REEP5: variants seen among roughly 807,000 people sequenced by gnomAD.
REEP5 encodes the protein receptor accessory protein 5, also known as receptor expression-enhancing protein 5.
In REEP5, 24 loss-of-function variants were observed where a neutral mutation model predicts 22.4. That is an observed-to-expected ratio of 1.07 (90% CI 0.78 to 1.51). REEP5 has a LOEUF of 1.51. Among genes scored for constraint, REEP5 ranks in the 40% most tolerant of loss-of-function variants. The pLI, the probability that REEP5 is intolerant of heterozygous loss-of-function variation, is 0.00. For missense variants in REEP5, 252 were observed against 233.0 expected, an observed-to-expected ratio of 1.08 and a Z score of -0.53; for synonymous variants, 103 against 88.6, an observed-to-expected ratio of 1.16 and a Z score of -0.92.
chr5:112,916,360 T>G (rs919303659), intron 2 of REEP5, among the ~76,000 whole-genome samples: 4 of 152,232 alleles, frequency 2.6e-5, no homozygotes, highest in African/African-American at 9.6e-5. Flanking sequence ...GAAACAGAAC[T>G]AAAGGCAACG....
intron 2 of REEP5, among the ~76,000 whole-genome samples, chr5:112,903,653 C>T (rs1019296187): frequency 2.0e-5 from 3 of 152,162 alleles, no homozygotes; most frequent in African/African-American, 7.2e-5. Flanking sequence ...AGTCAGGCTG[C>T]TAAATCATGC....
chr5:112,892,820 A>G (rs1196640276), intron 3 of REEP5: 9 of 1,613,834 alleles, frequency 5.6e-6, no homozygotes, highest in African/African-American at 1.3e-5. Flanking sequence ...GACCACACCT[A>G]CAAAAGAAAT....
At chr5:112,917,258 T>C (rs554300818) in intron 2 of REEP5, among the ~76,000 whole-genome samples, 1 of 152,346 alleles carries the variant, frequency 6.6e-6, no homozygotes, top group South Asian at 2.1e-4. Context: ...CACTAAAATA[T>C]GCCTAAATGT....
intron 2 of REEP5, among the ~76,000 whole-genome samples, chr5:112,916,809 G>A (rs1340529139): frequency 6.6e-6 from 1 of 152,216 alleles, no homozygotes; most frequent in Non-Finnish European, 1.5e-5. Context: ...CCTTGATCAA[G>A]TTATTCAAAT....
intron 1 of REEP5, 130 bp downstream of exon 1, chr5:112,921,943 G>C: frequency 8.3e-7 from 1 of 1,205,386 alleles, no homozygotes; most frequent in Non-Finnish European, 1.1e-6. Context: ...CCTGATCCCT[G>C]AATATGCTGC....
At chr5:112,884,191 G>A (rs756049505) in intron 4 of REEP5, among the ~76,000 whole-genome samples, 1 of 152,110 alleles carries the variant, frequency 6.6e-6, no homozygotes, top group Non-Finnish European at 1.5e-5. Flanking sequence ...CTCACATAGA[G>A]TAGAAGCCAA....
chr5:112,880,895 G>T (rs144492045), intron 4 of REEP5, among the ~76,000 whole-genome samples: 5 of 152,084 alleles, frequency 3.3e-5, no homozygotes, highest in Non-Finnish European at 1.5e-5. Flanking sequence ...TTGAGAGGCC[G>T]AGGTGGGTGG....
chr5:112,909,494 A>C (rs1769042713), intron 2 of REEP5, among the ~76,000 whole-genome samples: 2 of 152,054 alleles, frequency 1.3e-5, no homozygotes, highest in Admixed American at 1.3e-4. Flanking sequence ...ATCAATTTTA[A>C]TTATACCCTA....
chr5:112,886,252 C>A (rs1040544429), intron 4 of REEP5, among the ~76,000 whole-genome samples: 2 of 152,194 alleles, frequency 1.3e-5, no homozygotes, highest in South Asian at 4.1e-4. Context: ...CATAGATAAC[C>A]CCAAGTATTG....
At chr5:112,891,563 A>G in intron 3 of REEP5, 2 of 1,545,458 alleles carry the variant, frequency 1.3e-6, no homozygotes, top group African/African-American at 2.7e-5. Flanking sequence ...AATCACTGAC[A>G]GTGGCAGCTA....
chr5:112,918,452 C>T (rs1165637110), intron 2 of REEP5, among the ~76,000 whole-genome samples: 1 of 152,164 alleles, frequency 6.6e-6, no homozygotes, highest in Non-Finnish European at 1.5e-5. Context: ...TTCATCTTTG[C>T]ATCCTGCAGT....
chr5:112,921,514 C>T (rs1454859333), intron 1 of REEP5: 2 of 532,736 alleles, frequency 3.8e-6, no homozygotes, highest in Admixed American at 3.2e-5. Context: ...TGCGCAGCAA[C>T]CCCCGGCGCC....
chr5:112,884,351 T>G (rs912013901), intron 4 of REEP5, among the ~76,000 whole-genome samples: 7 of 152,046 alleles, frequency 4.6e-5, no homozygotes, highest in African/African-American at 1.7e-4. Context: ...CATTCTAAAG[T>G]ATGATTCCCC....
intron 2 of REEP5, among the ~76,000 whole-genome samples, chr5:112,903,274 A>G (rs1768888013): frequency 2.0e-5 from 3 of 152,362 alleles, no homozygotes; most frequent in South Asian, 4.1e-4. Context: ...ACAGATCTAG[A>G]TATTTATCGT....
intron 2 of REEP5, among the ~76,000 whole-genome samples, chr5:112,907,347 T>C (rs1207270128): frequency 1.3e-5 from 2 of 152,202 alleles, no homozygotes; most frequent in African/African-American, 2.4e-5. Context: ...ACCACAGTCT[T>C]ACTGCTCTCT....
chr5:112,892,032 ACAGG>A, intron 3 of REEP5: 2 of 1,414,698 alleles, frequency 1.4e-6, no homozygotes, highest in Non-Finnish European at 2.0e-6. Flanking sequence ...AGCAGAAACA[ACAGG>A]AGAAGAAAGA....
chr5:112,912,173 T>A (rs1271516356), intron 2 of REEP5, among the ~76,000 whole-genome samples: 1 of 152,130 alleles, frequency 6.6e-6, no homozygotes. Context: ...TTTATAAAAG[T>A]TAAGCTGTTT....
Position 112,922,178 on chromosome 5 carries a change from T to G in REEP5, c.13A>C (p.Met5Leu), listed in dbSNP as rs1334140769. Reference protein sequence around the residue: MSAAMRERFDRFLHE... With the variant: MSAALRERFDRFLHE... ...AGGAACCGGTCGAACCTCTCCCTCA[T>G]GGCCGCAGACATGGCGGGGACCGTC... The change falls in exon 1 of 5, where the codon ATG (methionine) becomes CTG (leucine). Residue 5 changes from methionine to leucine, a missense_variant. By Grantham distance (15) the Met-to-Leu change is conservative (BLOSUM62 2). Coordinates refer to ENST00000379638, the MANE Select transcript of REEP5 (RefSeq NM_005669.5). 1.2e-6 allele frequency: 2 copies of G among 1,606,706 alleles called. No individual in the cohort carries two copies. The highest frequency in any genetic ancestry group is 1.7e-6 in the Non-Finnish European group (2 of 1,176,818).
intron 3 of REEP5, chr5:112,895,987 T>C (rs1163284100): frequency 6.6e-6 from 1 of 152,362 alleles, no homozygotes; most frequent in Non-Finnish European, 1.5e-5. Flanking sequence ...CAGGCCATTC[T>C]ATTCCGTCTG....
Sources: allele counts gnomAD v4.1 joint callset (sites outside exome capture counted in the v4.1 genomes callset), GRCh38; gene constraint gnomAD v4.1.1; transcripts MANE v1.5; gene names NCBI Gene and HGNC (gene_info 2026-07-23, HGNC 2026-07-21).